The following TMX4 variants were observed in gnomAD, a reference collection of about 807,000 sequenced individuals.
TMX4 encodes the protein thioredoxin-related transmembrane protein 4.
A neutral mutation model predicts 33.3 loss-of-function variants in TMX4; 23 were observed. The ratio of observed to expected loss-of-function variants is 0.69; its 90% CI spans 0.50 to 0.98. TMX4 has a LOEUF of 0.98. Among genes scored for constraint, TMX4 ranks in the 50% least tolerant of loss-of-function variants. TMX4 has a pLI of 0.00. For synonymous variants in TMX4, 164 were observed against 161.5 expected (o/e 1.02, Z -0.12); for missense variants, 399 against 448.9 (o/e 0.89, Z 1.01).
chr20:7,996,425 T>C (rs1399117740), intron 4 of TMX4, among the ~76,000 whole-genome samples: 1 of 152,188 alleles, frequency 6.6e-6, no homozygotes, highest in Non-Finnish European at 1.5e-5. Flanking sequence ...TCCAGCACTT[T>C]CTAAGCTCTA....
intron 3 of TMX4, among the ~76,000 whole-genome samples, chr20:8,000,416 T>C (rs374340302): frequency 7.2e-5 from 11 of 152,130 alleles, no homozygotes; most frequent in Admixed American, 2.0e-4. Context: ...AGGACTCCCT[T>C]GAAACCACTC....
chr20:7,982,733 A>G, intron 7 of TMX4, 112 bp from the exon 8 acceptor site: 1 of 1,217,114 alleles, frequency 8.2e-7, no homozygotes. Context: ...AGTTTTTTCT[A>G]TCTTGAAACT....
chr20:7,982,130 A>C lies in TMX4; in HGVS notation c.*121T>G. On this transcript the variant is annotated 3_prime_UTR_variant, in exon 8 of 8. Coordinates refer to ENST00000246024, the MANE Select transcript of TMX4 (RefSeq NM_021156.4). The stretch of plus-strand genomic sequence containing the variant: ...TACTGCCATGAGACCAAATGACTAG[A>C]GAGCATCTTTTAAGAGAAGCTTGCT... 1 of 1,021,680 alleles carries C rather than the reference A, an allele frequency of 9.8e-7. No individual in the cohort carries two copies. The highest frequency in any genetic ancestry group is 1.4e-6 in the Non-Finnish European group (1 of 715,394). The allele number at this position is 1,021,680 out of a possible 1,614,324, so 63.3% of individuals were successfully genotyped here.
intron 2 of TMX4, among the ~76,000 whole-genome samples, chr20:8,009,299 G>A (rs2050742831): frequency 1.3e-5 from 2 of 152,058 alleles, no homozygotes; most frequent in African/African-American, 4.8e-5. Context: ...GGGTAAAAAT[G>A]ATTCATTCTT....
Position 7,977,496 on chromosome 20 carries a change from G to A in TMX4, c.*4755C>T, listed in dbSNP as rs2050585073. The A allele has an allele frequency of 6.6e-6, 1 of 152,160 alleles. No homozygotes were observed. Among genetic ancestry groups the A allele is most frequent in the Non-Finnish European group, 1.5e-5 (1 of 68,026 alleles). The allele number at this position is 152,160 out of a possible 1,614,324, so 9.4% of individuals were successfully genotyped here. On this transcript the variant is annotated 3_prime_UTR_variant, in exon 8 of 8. Coordinates refer to ENST00000246024, the MANE Select transcript of TMX4 (RefSeq NM_021156.4). Reference sequence around the variant, plus strand: ...TATCATTAGGTTTTGATGCAAATGGGAATTTACAATAAAATGAAACAAATA... The same window carrying A: ...TATCATTAGGTTTTGATGCAAATGGAAATTTACAATAAAATGAAACAAATA...
Position 8,018,886 on chromosome 20 carries a change from T to C in TMX4, c.176+552A>G, listed in dbSNP as rs554357812. 1.3e-4 allele frequency: 46 copies of C among 345,442 alleles called. 1 individual carries two copies. Among genetic ancestry groups the C allele is most frequent in the South Asian group, 9.9e-4 (45 of 45,588 alleles). The allele number at this position is 345,442 out of a possible 1,614,324, so 21.4% of individuals were successfully genotyped here. On this transcript the variant is annotated intron_variant, in intron 1 of 7. Transcript: ENST00000246024. ...TTTATGTTTTATTCTCACAATGACA[T>C]CTCCAGGTCTTCAAACGGAAGACTA...
At chr20:7,985,276 TA>T (rs35322995) in intron 6 of TMX4, among the ~76,000 whole-genome samples, 18,953 of 125,428 alleles carry the variant, frequency 0.15, 2,245 homozygotes, top group East Asian at 0.47. Context: ...TATATATATA[TA>T]TTTTTTTTTT....
At chr20:8,007,309 A>C (rs1335851714) in intron 2 of TMX4, among the ~76,000 whole-genome samples, 2 of 151,992 alleles carry the variant, frequency 1.3e-5, no homozygotes, top group African/African-American at 2.4e-5. Context: ...CTGGCAACCA[A>C]TCCATCAGAA....
chr20:8,000,654 C>T (rs2050701909), intron 3 of TMX4, among the ~76,000 whole-genome samples: 1 of 152,104 alleles, frequency 6.6e-6, no homozygotes, highest in South Asian at 2.1e-4. Flanking sequence ...TCCCAGGTTC[C>T]ATCCTTGACC....
At chr20:8,017,094 G>A (rs138880605) in intron 1 of TMX4, among the ~76,000 whole-genome samples, 40 of 151,884 alleles carry the variant, frequency 2.6e-4, no homozygotes, top group Non-Finnish European at 3.7e-4. Context: ...ATTTTTTTAA[G>A]TACTGGAGTT....
At chr20:7,986,221 T>C (rs145448442) in intron 6 of TMX4, among the ~76,000 whole-genome samples, 28 of 152,192 alleles carry the variant, frequency 1.8e-4, no homozygotes, top group African/African-American at 5.8e-4. Flanking sequence ...CAGGACCTAA[T>C]GAAGGACATA....
chr20:7,987,886 C>T (rs1052799098), intron 5 of TMX4, among the ~76,000 whole-genome samples: 2 of 152,002 alleles, frequency 1.3e-5, no homozygotes, highest in African/African-American at 4.8e-5. Context: ...GGTAAATTAC[C>T]AGAAAACATA....
Position 7,982,389 on chromosome 20 carries a change from C to T in TMX4, c.912G>A (p.Glu304=), listed in dbSNP as rs2050610519. Residue 304 remains glutamate, a synonymous_variant, in exon 8 of 8, where the codon GAG becomes GAA. Coordinates refer to ENST00000246024, the MANE Select transcript of TMX4 (RefSeq NM_021156.4). ...SEANDQGPPG[E]DGVTREEVEP... Reference sequence around the variant, plus strand: ...CTACTTCCTCCCGGGTCACACCGTCCTCTCCTGGGGGCCCCTGATCATTGG... The same window carrying T: ...CTACTTCCTCCCGGGTCACACCGTCTTCTCCTGGGGGCCCCTGATCATTGG... 2 of 1,613,948 alleles carry T rather than the reference C, an allele frequency of 1.2e-6. No individual in the cohort carries two copies. The highest frequency in any genetic ancestry group is 2.7e-5 in the African/African-American group (2 of 74,890).
At chr20:7,986,142 C>G (rs1407782039) in intron 6 of TMX4, among the ~76,000 whole-genome samples, 2 of 152,136 alleles carry the variant, frequency 1.3e-5, no homozygotes, top group Non-Finnish European at 2.9e-5. Flanking sequence ...GGTGTCAAAT[C>G]CCTTTAGACG....
chr20:7,983,244 G>A (rs6055437), intron 7 of TMX4, among the ~76,000 whole-genome samples: 43,848 of 152,066 alleles, frequency 0.29, 6,551 homozygotes, highest in South Asian at 0.53. Context: ...AATTATCAAT[G>A]GAAGTCTCAA....
chr20:7,989,647 C>T (rs775538185), intron 5 of TMX4, among the ~76,000 whole-genome samples: 63 of 152,264 alleles, frequency 4.1e-4, no homozygotes, highest in Non-Finnish European at 8.2e-4. Flanking sequence ...TCAGGTTGTA[C>T]TTTCACAACT....
intron 4 of TMX4, among the ~76,000 whole-genome samples, chr20:7,997,746 T>A (rs970506556): frequency 6.6e-6 from 1 of 152,362 alleles, no homozygotes. Context: ...GGCACCTCTC[T>A]GCGCAAAAAT....
chr20:8,009,317 C>T (rs376529234), intron 2 of TMX4, among the ~76,000 whole-genome samples: 1 of 152,012 alleles, frequency 6.6e-6, no homozygotes, highest in Non-Finnish European at 1.5e-5. Flanking sequence ...CTTGTGAAAA[C>T]TTATATCATT....
chr20:8,010,681 G>A (rs2050749221), intron 1 of TMX4, among the ~76,000 whole-genome samples: 1 of 152,212 alleles, frequency 6.6e-6, no homozygotes, highest in Non-Finnish European at 1.5e-5. Context: ...TTTTCACAGG[G>A]TGACCCTAAA....
Sources: allele counts gnomAD v4.1 joint callset (sites outside exome capture counted in the v4.1 genomes callset), GRCh38; gene constraint gnomAD v4.1.1; transcripts MANE v1.5; gene names NCBI Gene and HGNC (gene_info 2026-07-23, HGNC 2026-07-21).